Variants in SLC19A1 observed in about 807,000 individuals in gnomAD.
SLC19A1 encodes the protein solute carrier family 19 member 1.
SLC19A1 carries 37 observed loss-of-function variants against 35.3 expected under a neutral mutation model. The ratio of observed to expected loss-of-function variants is 1.05; its 90% CI spans 0.81 to 1.38. The LOEUF is 1.38. Among genes scored for constraint, SLC19A1 ranks in the 40% most tolerant of loss-of-function variants. The pLI is 0.00. For synonymous variants in SLC19A1, 460 were observed against 398.5 expected (o/e 1.15, Z -1.84); for missense variants, 831 against 826.9 (o/e 1.00, Z -0.06).
intron 3 of SLC19A1, chr21:45,505,919 C>T: frequency 6.2e-7 from 1 of 1,613,136 alleles, no homozygotes; most frequent in Non-Finnish European, 8.5e-7. Flanking sequence ...CGTGGCCGAG[C>T]AGGAGGAGCT....
intron 3 of SLC19A1, chr21:45,504,521 G>T (rs943491304): frequency 7.4e-7 from 1 of 1,348,998 alleles, no homozygotes; most frequent in East Asian, 2.7e-5. Context: ...CGGCCCCCCA[G>T]GCCCCCCAGG....
downstream of SLC19A1, chr21:45,512,559 A>G: frequency 1.4e-6 from 1 of 692,724 alleles, no homozygotes; most frequent in South Asian, 1.8e-5. Context: ...AAAGGAAGCC[A>G]AAGAGTGTAT....
chr21:45,537,861 G>A lies in SLC19A1; in HGVS notation c.99C>T (p.Cys33=), dbSNP rs2146428362. 1 of 1,607,652 alleles carries A rather than the reference G, an allele frequency of 6.2e-7. No individual in the cohort carries two copies. ...GTATCTGCGCCATGAAGCCGTAGAA[G>A]CAAAGGTAGCACACGAGGTGCCGCC... is the stretch of plus-strand genomic sequence containing the variant. ...RSWRHLVCYL[C]FYGFMAQIRP... The change falls in exon 2 of 6, where the codon TGC becomes TGT. Residue 33 remains cysteine (C), a synonymous_variant. Coordinates refer to ENST00000311124, the MANE Select transcript of SLC19A1 (RefSeq NM_194255.4).
Position 45,531,793 on chromosome 21 carries a change from A to G in SLC19A1, c.545T>C (p.Phe182Ser), listed in dbSNP as rs1337271063. 1.3e-6 allele frequency: 2 copies of G among 1,599,268 alleles called. No individual in the cohort carries two copies. The highest frequency in any genetic ancestry group is 3.5e-5 in the Admixed American group (2 of 57,710). The change falls in exon 3 of 6, where the codon TTC becomes TCC. Residue 182 changes from phenylalanine (F) to serine (S), a missense_variant. Physicochemically the swap from Phe to Ser is radical, Grantham distance 155. Coordinates refer to ENST00000311124, the MANE Select transcript of SLC19A1 (RefSeq NM_194255.4). The part of the protein sequence containing the change: ...QLLVTVGRVS[F>S]STLNYISLAF... The stretch of plus-strand genomic sequence containing the variant: ...CAGCGAGATGTAGTTGAGCGTGGAG[A>G]AGGAGACTCGGCCCACAGTGACCAG...
chr21:45,536,657 A>G (rs3788200), intron 2 of SLC19A1: 88,757 of 165,330 alleles, frequency 0.54, 24,154 homozygotes, highest in South Asian at 0.61. Context: ...CACACTCCTC[A>G]GCTGCACATC....
chr21:45,537,880 T>G lies in SLC19A1; in HGVS notation c.80A>C (p.His27Pro), dbSNP rs1051266. ...GTAGAAGCAAAGGTAGCACACGAGG[T>G]GCCGCCAGGACCGGAGCTCGGGGTC... ...GPDPELRSWR[H>P]LVCYLCFYGF... The change falls in exon 2 of 6, where the codon CAC becomes CCC. Residue 27 changes from histidine to proline, a missense_variant. Physicochemically the swap from His to Pro is moderately conservative, Grantham distance 77. Coordinates refer to ENST00000311124, the MANE Select transcript of SLC19A1 (RefSeq NM_194255.4). 6.2e-7 allele frequency: 1 copy of G among 1,600,864 alleles called. No homozygotes were observed. Among genetic ancestry groups the G allele is most frequent in the East Asian group, 2.2e-5 (1 of 44,500 alleles).
At chr21:45,556,499 C>T (rs1478188336) in intron 1 of SLC19A1, among the ~76,000 whole-genome samples, 1 of 152,262 alleles carries the variant, frequency 6.6e-6, no homozygotes. Flanking sequence ...GAAATCCTGC[C>T]TTTCTTAACT....
downstream of SLC19A1, chr21:45,509,912 C>T (rs1393085925): frequency 2.2e-6 from 2 of 899,386 alleles, no homozygotes; most frequent in Non-Finnish European, 3.3e-6. Flanking sequence ...GGGCTGCTGC[C>T]TGGGCCCCTC....
intron 4 of SLC19A1, among the ~76,000 whole-genome samples, chr21:45,527,936 T>A (rs1163068520): frequency 9.6e-6 from 1 of 104,136 alleles, no homozygotes. Context: ...ATCTGCAAAG[T>A]GCTTAAAAAA....
At chr21:45,546,652 A>G (rs1036499585), upstream of SLC19A1, among the ~76,000 whole-genome samples, 4 of 152,262 alleles carry the variant, frequency 2.6e-5, no homozygotes, top group African/African-American at 9.6e-5. Context: ...GCTGTTTAGA[A>G]TAATGTCATC....
chr21:45,520,108 T>C (rs762593987), intron 5 of SLC19A1, among the ~76,000 whole-genome samples: 4 of 152,138 alleles, frequency 2.6e-5, no homozygotes, highest in Non-Finnish European at 4.4e-5. Flanking sequence ...GAAATAATGA[T>C]GCATCAAAAA....
chr21:45,553,794 ACGCCCCCTCC>A (rs1382078094), intron 1 of SLC19A1, among the ~76,000 whole-genome samples: 1 of 1,896 alleles, frequency 5.3e-4, no homozygotes, highest in Non-Finnish European at 7.2e-4. Flanking sequence ...CCAATCCCCC[ACGCCCCCTCC>A]CAGTCCCCCA....
intron 1 of SLC19A1, among the ~76,000 whole-genome samples, chr21:45,539,785 G>A (rs2078246057): frequency 6.6e-6 from 1 of 152,172 alleles, no homozygotes; most frequent in Non-Finnish European, 1.5e-5. Context: ...CATAGGTGAT[G>A]GCAGGGAAGC....
At chr21:45,512,284 G>C (rs765311365), downstream of SLC19A1, 4 of 1,611,876 alleles carry the variant, frequency 2.5e-6, no homozygotes, top group South Asian at 1.1e-5. Flanking sequence ...CCTCGGCCAC[G>C]GGCCAGGCCT....
At chr21:45,528,254 AG>A (rs2077719934) in intron 4 of SLC19A1, among the ~76,000 whole-genome samples, 1 of 151,906 alleles carries the variant, frequency 6.6e-6, no homozygotes, top group Non-Finnish European at 1.5e-5. Context: ...AGCCCAGGCC[AG>A]CCCCCAGGGT....
chr21:45,503,357 C>T (rs1242886836), intron 3 of SLC19A1, among the ~76,000 whole-genome samples: 1 of 151,964 alleles, frequency 6.6e-6, no homozygotes, highest in Non-Finnish European at 1.5e-5. Context: ...TTTTTGGCTG[C>T]ATAAATGTCT....
intron 1 of SLC19A1, among the ~76,000 whole-genome samples, chr21:45,553,189 G>A (rs2078484622): frequency 1.3e-5 from 2 of 152,120 alleles, no homozygotes; most frequent in African/African-American, 4.8e-5. Context: ...GCTGGGGCTG[G>A]GTCCTGCCCT....
At position 45,534,663 on chromosome 21, in the gene SLC19A1, A is replaced by C. The variant is rs1011104939; in HGVS notation, c.190-2515T>G. On this transcript the variant is annotated intron_variant, in intron 2 of 5. Coordinates refer to ENST00000311124, the MANE Select transcript of SLC19A1 (RefSeq NM_194255.4). The surrounding 1 kb of genome is among the most constrained non-coding windows in gnomAD (Gnocchi z 4.2). ...AGCGCAGAGCTCCCCCTTGGCAGCC[A>C]CCCAGAGCCCTCCCGCTCCTCTCCC... The C allele has an allele frequency of 4.9e-6, 7 of 1,442,562 alleles. No individual in the cohort carries two copies. In the African/African-American group the frequency reaches 9.8e-5, roughly 20 times the overall value. 89.4% of individuals were successfully genotyped at this position (1,442,562 alleles called of 1,614,324 possible). A position where few individuals can be genotyped will look rare whatever the true frequency, so the allele number is the denominator to read the frequency against.
At chr21:45,557,281 T>C (rs1358794722) in intron 1 of SLC19A1, among the ~76,000 whole-genome samples, 1 of 152,168 alleles carries the variant, frequency 6.6e-6, no homozygotes, top group East Asian at 1.9e-4. Context: ...AGATGGGTCT[T>C]CCCTATCAGT....
Sources: gnomAD v4.1 joint callset for allele counts (sites outside exome capture counted in the v4.1 genomes callset) on GRCh38, gnomAD v4.1.1 for gene constraint, Gnocchi (gnomAD v3.1) non-coding constraint, MANE v1.5 for transcripts, NCBI Gene and HGNC (gene_info 2026-07-23, HGNC 2026-07-21) for gene names.